The following TXNRD1 variants were observed in gnomAD, a reference collection of about 807,000 sequenced individuals.
TXNRD1 encodes thioredoxin reductase 1, cytoplasmic.
Under a neutral mutation model 80.3 loss-of-function variants are expected in TXNRD1, and 57 were observed. That is an observed-to-expected ratio of 0.71 (90% CI 0.57 to 0.89). TXNRD1 has a LOEUF of 0.89. TXNRD1 is among the 40% of genes least tolerant of loss of function. The probability of loss-of-function intolerance (pLI) is 0.00; values close to 1 mark genes in which losing one functional copy is unlikely to be tolerated. For missense variants in TXNRD1, 730 were observed against 803.0 expected (o/e 0.91, Z 1.10); for synonymous variants, 291 against 285.2 (o/e 1.02, Z -0.20).
At chr12:104,292,110 T>A (rs1344027066) in intron 4 of TXNRD1, among the ~76,000 whole-genome samples, 1 of 152,206 alleles carries the variant, frequency 6.6e-6, no homozygotes, top group Non-Finnish European at 1.5e-5. Context: ...CCTCATCCCC[T>A]TTTCCCTGAA....
At chr12:104,307,712 A>G (rs376083189) in intron 4 of TXNRD1, among the ~76,000 whole-genome samples, 4 of 152,206 alleles carry the variant, frequency 2.6e-5, no homozygotes, top group Non-Finnish European at 5.9e-5. Context: ...GCTTATTCCA[A>G]TTTTAAAAGA....
intron 6 of TXNRD1, among the ~76,000 whole-genome samples, chr12:104,314,802 C>T (rs902858901): frequency 5.7e-5 from 8 of 139,224 alleles, no homozygotes; most frequent in East Asian, 2.1e-4. Context: ...AGTGCAGTGG[C>T]GCTATCTCGG....
chr12:104,269,096 G>T (rs768357688), intron 3 of TXNRD1, among the ~76,000 whole-genome samples: 5 of 146,122 alleles, frequency 3.4e-5, no homozygotes, highest in Non-Finnish European at 6.1e-5. Flanking sequence ...GTAGAGATGG[G>T]GTTTCTCCAT....
chr12:104,290,136 C>T (rs896115509), intron 4 of TXNRD1, among the ~76,000 whole-genome samples: 1 of 152,152 alleles, frequency 6.6e-6, no homozygotes, highest in African/African-American at 2.4e-5. Flanking sequence ...AACCTAACGC[C>T]TGCGTTAAAT....
intron 1 of TXNRD1, among the ~76,000 whole-genome samples, chr12:104,224,442 G>A (rs2032426876): frequency 1.3e-5 from 2 of 152,172 alleles, no homozygotes; most frequent in African/African-American, 4.8e-5. Context: ...AGGCTAGAGT[G>A]CAGTGGCGCA....
At chr12:104,285,138 C>T (rs1049501794) in intron 3 of TXNRD1, among the ~76,000 whole-genome samples, 1 of 152,128 alleles carries the variant, frequency 6.6e-6, no homozygotes, top group Non-Finnish European at 1.5e-5. Flanking sequence ...TGCGCCACTG[C>T]ACTCCAGCCA....
At chr12:104,317,932 G>A (rs1275708575) in intron 7 of TXNRD1, among the ~76,000 whole-genome samples, 1 of 152,212 alleles carries the variant, frequency 6.6e-6, no homozygotes, top group Non-Finnish European at 1.5e-5. Flanking sequence ...TTGAGGTCGG[G>A]AGTTTGAGAC....
intron 16 of TXNRD1, among the ~76,000 whole-genome samples, chr12:104,346,904 G>T (rs1305173435): frequency 6.6e-6 from 1 of 152,102 alleles, no homozygotes; most frequent in Non-Finnish European, 1.5e-5. Context: ...AGACAAGCCT[G>T]GTCAACGTGG....
In TXNRD1 at chr12:104,334,275, T is replaced by A; in HGVS notation, c.1689T>A (p.Ile563=). The change falls in exon 15 of 17, where the codon ATT becomes ATA. Residue 563 remains isoleucine, a synonymous_variant. Coordinates refer to ENST00000525566, the MANE Select transcript of TXNRD1 (RefSeq NM_001093771.3). ...HSYFWPLEWT[I]PSRDNNKCYA... ...ACTTTTGGCCATTGGAATGGACGATTCCGTCAAGAGATAACAACAAATGTT... is the reference window on the plus strand; with the variant it reads ...ACTTTTGGCCATTGGAATGGACGATACCGTCAAGAGATAACAACAAATGTT... 6.5e-7 allele frequency: 1 copy of A among 1,539,476 alleles called. No homozygotes were observed. The highest frequency in any genetic ancestry group is 8.8e-7 in the Non-Finnish European group (1 of 1,140,390).
chr12:104,291,194 GTC>G (rs2034196925), intron 4 of TXNRD1: 50 of 242,662 alleles, frequency 2.1e-4, no homozygotes, highest in Middle Eastern at 9.2e-4. Context: ...TCTACTTTGT[GTC>G]TTTTTTTTTT....
chr12:104,349,707 G>A lies in TXNRD1; in HGVS notation c.*1286G>A, dbSNP rs1183825273. The A allele has an allele frequency of 6.6e-6, 1 of 152,340 alleles. No homozygotes were observed. Among genetic ancestry groups the A allele is most frequent in the Non-Finnish European group, 1.5e-5 (1 of 68,038 alleles). The allele number at this position is 152,340 out of a possible 1,614,324, so 9.4% of individuals were successfully genotyped here. A position where few individuals can be genotyped will look rare whatever the true frequency, so the allele number is the denominator to read the frequency against. Reference sequence around the variant, plus strand: ...GCTGTCTTTTCTAACTGTGTAGGTTGAGTTTTGAACACGTGCTTGTGGACA... The same window carrying A: ...GCTGTCTTTTCTAACTGTGTAGGTTAAGTTTTGAACACGTGCTTGTGGACA... On this transcript the variant is annotated 3_prime_UTR_variant, in exon 17 of 17. Coordinates refer to ENST00000525566, the MANE Select transcript of TXNRD1 (RefSeq NM_001093771.3).
intron 1 of TXNRD1, among the ~76,000 whole-genome samples, chr12:104,251,152 G>T (rs550265337): frequency 6.6e-6 from 1 of 152,184 alleles, no homozygotes; most frequent in Non-Finnish European, 1.5e-5. Flanking sequence ...GGGGACATCT[G>T]TCTGACATTT....
At chr12:104,297,835 A>C (rs574193889) in intron 4 of TXNRD1, among the ~76,000 whole-genome samples, 1 of 152,338 alleles carries the variant, frequency 6.6e-6, no homozygotes, top group East Asian at 1.9e-4. Context: ...CCACATACCC[A>C]GTCCTTCTTA....
intron 1 of TXNRD1, among the ~76,000 whole-genome samples, chr12:104,228,252 A>C (rs1326861159): frequency 2.0e-5 from 3 of 148,510 alleles, no homozygotes; most frequent in Admixed American, 6.8e-5. Context: ...CAGTGAGCCG[A>C]GATTGTGCCA....
chr12:104,247,865 G>T (rs1317637983), intron 1 of TXNRD1, among the ~76,000 whole-genome samples: 1 of 152,156 alleles, frequency 6.6e-6, no homozygotes, highest in East Asian at 1.9e-4. Context: ...TCAGTAAGGC[G>T]TTATGGAATC....
At chr12:104,228,299 C>T (rs1455879733) in intron 1 of TXNRD1, among the ~76,000 whole-genome samples, 2 of 58,960 alleles carry the variant, frequency 3.4e-5, no homozygotes, top group Admixed American at 3.8e-4. Context: ...AAAACTCCAT[C>T]TCAAAAAAAA....
At position 104,327,656 on chromosome 12, in the gene TXNRD1, A is replaced by T; in HGVS notation, c.1527A>T (p.Ala509=). 6.2e-7 allele frequency: 1 copy of T among 1,613,608 alleles called. No individual in the cohort carries two copies. The highest frequency in any genetic ancestry group is 8.5e-7 in the Non-Finnish European group (1 of 1,179,808). The change falls in exon 13 of 17, where the codon GCA becomes GCT. Residue 509 remains alanine, a synonymous_variant. Coordinates refer to ENST00000525566, the MANE Select transcript of TXNRD1 (RefSeq NM_001093771.3). ...GATTGCTGGCTCAGAGGCTCTATGCAGGTTCCACTGTCAAGGTGAGTGTTG... is the reference window on the plus strand; with the variant it reads ...GATTGCTGGCTCAGAGGCTCTATGCTGGTTCCACTGTCAAGGTGAGTGTTG... ...AGRLLAQRLY[A]GSTVKCDYEN...
intron 2 of TXNRD1, among the ~76,000 whole-genome samples, chr12:104,254,828 G>T (rs1225292293): frequency 6.6e-6 from 1 of 151,212 alleles, no homozygotes; most frequent in Non-Finnish European, 1.5e-5. Flanking sequence ...AATACATATG[G>T]GCGCAGTGGC....
intron 16 of TXNRD1, among the ~76,000 whole-genome samples, chr12:104,339,759 C>A (rs1453274006): frequency 6.6e-6 from 1 of 152,130 alleles, no homozygotes; most frequent in Non-Finnish European, 1.5e-5. Flanking sequence ...AGTGATCATC[C>A]AAGAGTTGAA....
Sources: gnomAD v4.1 joint callset for allele counts (sites outside exome capture counted in the v4.1 genomes callset) on GRCh38, gnomAD v4.1.1 for gene constraint, MANE v1.5 for transcripts, NCBI Gene and HGNC (gene_info 2026-07-23, HGNC 2026-07-21) for gene names.